Variants in RUFY3 observed in about 807,000 individuals in gnomAD.
The protein encoded by RUFY3 is protein RUFY3.
RUFY3 carries 34 observed loss-of-function variants against 84.0 expected under a neutral mutation model. The ratio of observed to expected loss-of-function variants is 0.40; its 90% CI spans 0.31 to 0.54. The LOEUF is 0.54. RUFY3 is among the 20% of genes least tolerant of loss of function. The pLI, the probability that RUFY3 is intolerant of heterozygous loss-of-function variation, is 0.39. For missense variants in RUFY3, 507 were observed against 736.8 expected (o/e 0.69, Z 3.61); for synonymous variants, 242 against 252.9 (o/e 0.96, Z 0.41).
At position 70,800,296 on chromosome 4, in the gene RUFY3, G is replaced by A. The variant is rs190192556; in HGVS notation, c.1622+91G>A. On this transcript the variant is annotated intron_variant, in intron 15 of 17. Transcript: ENST00000381006. ...CTTTATATACATTGGCATTGACACC[G>A]ACCAGACACTGACTTATAATATTAA... The A allele has an allele frequency of 1.7e-5, 14 of 834,522 alleles. No individual in the cohort carries two copies. The Admixed American group carries it at 1.8e-4, about 10-fold the overall frequency. 51.7% of individuals were successfully genotyped at this position (834,522 alleles called of 1,614,324 possible). A position where few individuals can be genotyped will look rare whatever the true frequency, so the allele number is the denominator to read the frequency against.
intron 15 of RUFY3, among the ~76,000 whole-genome samples, chr4:70,801,956 G>C (rs1319191961): frequency 6.6e-6 from 1 of 152,214 alleles, no homozygotes; most frequent in African/African-American, 2.4e-5. Context: ...TTTAGGTCCT[G>C]AGAATATGGA....
At chr4:70,796,946 C>CT (rs1203826586) in intron 14 of RUFY3, among the ~76,000 whole-genome samples, 3,223 of 135,158 alleles carry the variant, frequency 0.024, 46 homozygotes, top group African/African-American at 0.039. Context: ...CTTTTCTTTT[C>CT]TTTTTTTTTT....
intron 1 of RUFY3, among the ~76,000 whole-genome samples, chr4:70,744,189 A>C (rs958999723): frequency 6.6e-6 from 1 of 151,856 alleles, no homozygotes; most frequent in African/African-American, 2.4e-5. Flanking sequence ...CTTTTTTAAA[A>C]TTTTATTTTA....
At chr4:70,805,465 AGT>A (rs1732739320) in intron 17 of RUFY3, among the ~76,000 whole-genome samples, 1 of 152,224 alleles carries the variant, frequency 6.6e-6, no homozygotes, top group Non-Finnish European at 1.5e-5. Flanking sequence ...TGTACAAATG[AGT>A]GTATGAAACA....
Position 70,734,276 on chromosome 4 carries a change from G to A in RUFY3, c.178+11525G>A, listed in dbSNP as rs115011995. The A allele has an allele frequency of 8.0e-3, 3,184 of 399,086 alleles. 107 individuals carry two copies. The highest frequency in any genetic ancestry group is 0.065 in the African/African-American group (2,962 of 45,836). The allele number at this position is 399,086 out of a possible 1,614,324, so 24.7% of individuals were successfully genotyped here. A position where few individuals can be genotyped will look rare whatever the true frequency, so the allele number is the denominator to read the frequency against. On this transcript the variant is annotated intron_variant, in intron 1 of 17. Transcript: ENST00000381006. The stretch of plus-strand genomic sequence containing the variant: ...TAAGTGTTTGGAAAATAAAACCTGA[G>A]TCATTGGGATTCTCTTTTTCACAGA...
chr4:70,733,770 A>G (rs6810827), intron 1 of RUFY3, among the ~76,000 whole-genome samples: 10,006 of 152,204 alleles, frequency 0.066, 871 homozygotes, highest in African/African-American at 0.2. Context: ...CACAAGTAAA[A>G]GGAAATGTAT....
chr4:70,753,588 C>T (rs1578089728), intron 1 of RUFY3, among the ~76,000 whole-genome samples: 1 of 152,086 alleles, frequency 6.6e-6, no homozygotes, highest in African/African-American at 2.4e-5. Flanking sequence ...AAACCTGATT[C>T]AGTGGTAGTG....
In RUFY3 at chr4:70,722,130, T is replaced by G; in HGVS notation, c.-444T>G. 8.1e-7 allele frequency: 1 copy of G among 1,231,590 alleles called. No individual in the cohort carries two copies. The highest frequency in any genetic ancestry group is 4.1e-5 in the South Asian group (1 of 24,290). 76.3% of individuals were successfully genotyped at this position (1,231,590 alleles called of 1,614,324 possible). On this transcript the variant is annotated 5_prime_UTR_variant, in exon 1 of 18. Transcript: ENST00000381006. ...AATATAGGTTTATTTTTTGTTCAGG[T>G]TTTTCTTTTATATTTTTTTTCTGCA...
chr4:70,707,709 G>C (rs1311940573), intron 1 of RUFY3, among the ~76,000 whole-genome samples: 1 of 135,898 alleles, frequency 7.4e-6, no homozygotes, highest in Non-Finnish European at 1.5e-5. Flanking sequence ...TTTCATATTA[G>C]CAAAAAAAAA....
Position 70,751,930 on chromosome 4 carries a change from A to G in RUFY3, c.179-10589A>G, listed in dbSNP as rs369552290. 3.9e-5 allele frequency among the ~76,000 whole-genome samples: 6 copies of G among 152,120 alleles called. No homozygotes were observed. In the East Asian group the frequency reaches 5.8e-4, roughly 15 times the overall value. ...TTGGATATCCAATTATCCTACCACC[A>G]TTTGTTGCAAATAATAATTTTTGTA... On this transcript the variant is annotated intron_variant, in intron 1 of 17. Transcript: ENST00000381006.
At chr4:70,734,156 GT>G (rs1278199601) in intron 1 of RUFY3, among the ~76,000 whole-genome samples, 2 of 152,106 alleles carry the variant, frequency 1.3e-5, no homozygotes. Context: ...GGCATGCTCT[GT>G]TTTCATAGCT....
intron 1 of RUFY3, among the ~76,000 whole-genome samples, chr4:70,715,676 A>T (rs1033398671): frequency 1.3e-5 from 2 of 152,144 alleles, no homozygotes; most frequent in Non-Finnish European, 2.9e-5. Context: ...TTCTTCTTAA[A>T]TTATGAAACT....
intron 1 of RUFY3, among the ~76,000 whole-genome samples, chr4:70,710,540 C>G (rs1053825660): frequency 2.0e-5 from 3 of 151,860 alleles, no homozygotes; most frequent in Admixed American, 6.6e-5. Flanking sequence ...CATGGTGACG[C>G]ACACCTGTGA....
intron 1 of RUFY3, among the ~76,000 whole-genome samples, chr4:70,736,345 CTG>C (rs1720291507): frequency 6.6e-6 from 1 of 152,060 alleles, no homozygotes; most frequent in South Asian, 2.1e-4. Context: ...GGGATAACCA[CTG>C]TTAAGATTTA....
intron 4 of RUFY3, among the ~76,000 whole-genome samples, chr4:70,768,253 G>C (rs1367715442): frequency 6.6e-6 from 1 of 152,166 alleles, no homozygotes; most frequent in Non-Finnish European, 1.5e-5. Context: ...GTTCAGTCAC[G>C]TCTTTCTGCC....
At chr4:70,780,281 T>A (rs185154406) in intron 8 of RUFY3, among the ~76,000 whole-genome samples, 160 of 150,910 alleles carry the variant, frequency 1.1e-3, no homozygotes, top group African/African-American at 3.8e-3. Context: ...TTTTTTTGTT[T>A]TGTTTTGTTT....
At chr4:70,759,559 A>G (rs1384001951) in intron 1 of RUFY3, among the ~76,000 whole-genome samples, 1 of 152,198 alleles carries the variant, frequency 6.6e-6, no homozygotes, top group African/African-American at 2.4e-5. Flanking sequence ...TTGCTGAATC[A>G]TATGGTAGTT....
At chr4:70,774,684 A>G (rs1727625986) in intron 6 of RUFY3, among the ~76,000 whole-genome samples, 1 of 141,192 alleles carries the variant, frequency 7.1e-6, no homozygotes, top group East Asian at 2.0e-4. Flanking sequence ...ATAAACATTC[A>G]ATCTTCGTGA....
intron 1 of RUFY3, 124 bp from the exon 2 acceptor site, chr4:70,762,395 C>A: frequency 1.3e-6 from 1 of 789,674 alleles, no homozygotes. Context: ...TGAGGATATT[C>A]TTAAAGGAAA....
Sources: gnomAD v4.1 joint callset for allele counts (sites outside exome capture counted in the v4.1 genomes callset) on GRCh38, gnomAD v4.1.1 for gene constraint, MANE v1.5 for transcripts, NCBI Gene and HGNC (gene_info 2026-07-23, HGNC 2026-07-21) for gene names.